Variants in ZNF407 observed in about 807,000 individuals in gnomAD.
The protein encoded by ZNF407 is zinc finger protein 407.
Under a neutral mutation model 131.2 loss-of-function variants are expected in ZNF407, and 17 were observed. The ratio of observed to expected loss-of-function variants is 0.13; its 90% CI spans 0.09 to 0.19. The LOEUF is 0.19. Ranked by LOEUF, ZNF407 falls within the 10% of genes least tolerant of loss-of-function variation. The probability of loss-of-function intolerance (pLI) is 1.00; values close to 1 mark genes in which losing one functional copy is unlikely to be tolerated. For missense variants in ZNF407, 2,681 were observed against 2,830.6 expected, an observed-to-expected ratio of 0.95 and a Z score of 1.20; for synonymous variants, 1,156 against 1,062.0, an observed-to-expected ratio of 1.09 and a Z score of -1.72.
intron 8 of ZNF407, among the ~76,000 whole-genome samples, chr18:75,033,526 G>T (rs1290014443): frequency 6.6e-6 from 1 of 152,208 alleles, no homozygotes; most frequent in Non-Finnish European, 1.5e-5. Context: ...TCCGTCCCTT[G>T]TGGGGATTCA....
In ZNF407 at chr18:74,670,442, GAT is replaced by G. The variant is rs757342521; in HGVS notation, c.4802+29321_4802+29322del. 2.6e-5 allele frequency among the ~76,000 whole-genome samples: 4 copies of G among 152,248 alleles called. No individual in the cohort carries two copies. In the South Asian group the frequency reaches 8.3e-4, roughly 32 times the overall value. Reference sequence around the variant, plus strand: ...GATAGGCTTGGGATGAATCTGCATGGATGATATGATTCGAATAAGCAACTGCT... The same window carrying G: ...GATAGGCTTGGGATGAATCTGCATGGGATATGATTCGAATAAGCAACTGCT... On this transcript the variant is annotated intron_variant, in intron 3 of 8. Transcript: ENST00000299687.
At chr18:74,640,413 A>G (rs1053048960) in intron 2 of ZNF407, among the ~76,000 whole-genome samples, 3 of 152,162 alleles carry the variant, frequency 2.0e-5, no homozygotes, top group African/African-American at 7.2e-5. Flanking sequence ...GACTATAAAA[A>G]TGACCATAAA....
intron 4 of ZNF407, among the ~76,000 whole-genome samples, chr18:74,808,858 C>T (rs1970152586): frequency 1.3e-5 from 2 of 152,072 alleles, no homozygotes; most frequent in African/African-American, 4.8e-5. Flanking sequence ...GGTAATGTTC[C>T]TCTTTGAAGA....
At chr18:74,643,219 T>G (rs1247324175) in intron 3 of ZNF407, among the ~76,000 whole-genome samples, 1 of 152,112 alleles carries the variant, frequency 6.6e-6, no homozygotes, top group Non-Finnish European at 1.5e-5. Flanking sequence ...ACTGACAAAG[T>G]CAATTCATTA....
At chr18:74,868,504 T>G (rs1376083408) in intron 4 of ZNF407, among the ~76,000 whole-genome samples, 1 of 152,248 alleles carries the variant, frequency 6.6e-6, no homozygotes, top group African/African-American at 2.4e-5. Context: ...GCTTTTGTCA[T>G]ATATACCAAA....
chr18:74,915,485 TG>T (rs1484852712), intron 7 of ZNF407, among the ~76,000 whole-genome samples: 2 of 147,820 alleles, frequency 1.4e-5, no homozygotes, highest in African/African-American at 2.5e-5. Context: ...GGAGTGTGTG[TG>T]TGTGTGTGTG....
chr18:75,057,125 C>T (rs1361341031), intron 8 of ZNF407, among the ~76,000 whole-genome samples: 2 of 152,200 alleles, frequency 1.3e-5, no homozygotes, highest in Admixed American at 1.3e-4. Context: ...CTCAAGCTTA[C>T]TGGGCCTACG....
At chr18:74,823,237 G>C (rs1164155015) in intron 4 of ZNF407, among the ~76,000 whole-genome samples, 1 of 152,166 alleles carries the variant, frequency 6.6e-6, no homozygotes, top group Admixed American at 6.5e-5. Context: ...GGAACAACCA[G>C]TACCAGCCAC....
chr18:74,823,279 G>A (rs558140418), intron 4 of ZNF407, among the ~76,000 whole-genome samples: 4 of 152,234 alleles, frequency 2.6e-5, no homozygotes, highest in East Asian at 1.9e-4. Flanking sequence ...AAAGACTGTC[G>A]ACACTATGAA....
At chr18:75,037,668 C>T (rs775015068) in intron 8 of ZNF407, among the ~76,000 whole-genome samples, 2 of 152,114 alleles carry the variant, frequency 1.3e-5, no homozygotes, top group Non-Finnish European at 2.9e-5. Context: ...CAAGGTAATG[C>T]TCGCGCTGGA....
intron 3 of ZNF407, among the ~76,000 whole-genome samples, chr18:74,727,213 G>A (rs577386565): frequency 2.8e-4 from 42 of 152,256 alleles, no homozygotes; most frequent in African/African-American, 8.7e-4. Flanking sequence ...TTTTAGACAG[G>A]ATGTGTGAAC....
chr18:74,835,629 G>GGTGTGTGTGTGT (rs60463192), intron 4 of ZNF407, among the ~76,000 whole-genome samples: 1 of 92,144 alleles, frequency 1.1e-5, no homozygotes, highest in Non-Finnish European at 2.2e-5. Flanking sequence ...GACAGAGGGG[G>GGTGTGTGTGTGT]GTGTGTGTGT....
At chr18:74,996,140 G>A (rs922973410) in intron 8 of ZNF407, among the ~76,000 whole-genome samples, 6 of 152,064 alleles carry the variant, frequency 3.9e-5, no homozygotes, top group African/African-American at 9.7e-5. Context: ...TAATCAGCCC[G>A]CTGAAAACGG....
intron 4 of ZNF407, among the ~76,000 whole-genome samples, chr18:74,837,411 A>T (rs940608275): frequency 6.6e-6 from 1 of 152,172 alleles, no homozygotes; most frequent in African/African-American, 2.4e-5. Context: ...CATTAAAAAA[A>T]AAATCCAATA....
At chr18:74,804,666 G>A (rs1371484935) in intron 4 of ZNF407, 2 of 925,768 alleles carry the variant, frequency 2.2e-6, no homozygotes, top group Non-Finnish European at 2.6e-6. Context: ...TATTTCATAT[G>A]TGCTCACATT....
intron 3 of ZNF407, among the ~76,000 whole-genome samples, chr18:74,662,776 G>A (rs931653991): frequency 6.6e-6 from 1 of 152,182 alleles, no homozygotes; most frequent in African/African-American, 2.4e-5. Context: ...TTGTTTAAGT[G>A]TCTAACTGTC....
chr18:75,062,885 A>T, intron 8 of ZNF407: 1 of 322,380 alleles, frequency 3.1e-6, no homozygotes, highest in Non-Finnish European at 5.6e-6. Flanking sequence ...ACCCCTGCAA[A>T]GAGTTGTATT....
chr18:74,786,898 C>T (rs557573833), intron 4 of ZNF407, among the ~76,000 whole-genome samples: 28 of 136,820 alleles, frequency 2.0e-4, no homozygotes, highest in East Asian at 2.3e-4. Context: ...CTCCGCCTCC[C>T]GGGTTCAAGC....
At chr18:74,766,764 G>A (rs961463551) in intron 3 of ZNF407, among the ~76,000 whole-genome samples, 6 of 152,076 alleles carry the variant, frequency 3.9e-5, no homozygotes, top group African/African-American at 7.2e-5. Flanking sequence ...AGGGTTATTC[G>A]TTCTTCAATT....
Sources: allele counts gnomAD v4.1 joint callset (sites outside exome capture counted in the v4.1 genomes callset), GRCh38; gene constraint gnomAD v4.1.1; transcripts MANE v1.5; gene names NCBI Gene and HGNC (gene_info 2026-07-23, HGNC 2026-07-21).